PPP3R1: variants seen among roughly 807,000 people sequenced by gnomAD.
The protein encoded by PPP3R1 is calcineurin subunit B type 1.
PPP3R1 carries 5 observed loss-of-function variants against 22.6 expected under a neutral mutation model. The observed-to-expected ratio is 0.22, with a 90% confidence interval of 0.12 to 0.46. PPP3R1 has a LOEUF of 0.46. PPP3R1 is among the 20% of genes least tolerant of loss of function. The pLI, the probability that PPP3R1 is intolerant of heterozygous loss-of-function variation, is 0.99. For synonymous variants in PPP3R1, 56 were observed against 65.2 expected (o/e 0.86, Z 0.68); for missense variants, 61 against 203.2 (o/e 0.30, Z 4.25).
chr2:68,246,315 C>T (rs1344248160), intron 1 of PPP3R1, among the ~76,000 whole-genome samples: 2 of 151,920 alleles, frequency 1.3e-5, no homozygotes, highest in African/African-American at 2.4e-5. Flanking sequence ...CCTCATGATC[C>T]GCCCGCCTCA....
chr2:68,246,845 A>C (rs781362191), intron 1 of PPP3R1, among the ~76,000 whole-genome samples: 1 of 152,234 alleles, frequency 6.6e-6, no homozygotes, highest in Non-Finnish European at 1.5e-5. Flanking sequence ...AAATGCACAG[A>C]CAATGCTCAA....
At chr2:68,197,775 CT>C (rs1674819802) in intron 2 of PPP3R1, among the ~76,000 whole-genome samples, 1 of 151,748 alleles carries the variant, frequency 6.6e-6, no homozygotes, top group Non-Finnish European at 1.5e-5. Context: ...GTGAGCTTGC[CT>C]TTTCATAGGT....
chr2:68,197,246 A>G (rs1417247871), intron 2 of PPP3R1, among the ~76,000 whole-genome samples: 1 of 152,172 alleles, frequency 6.6e-6, no homozygotes. Flanking sequence ...TGTTCTTTCT[A>G]TAACTAAATT....
chr2:68,215,560 A>G (rs369652010), intron 2 of PPP3R1, among the ~76,000 whole-genome samples: 1 of 152,214 alleles, frequency 6.6e-6, no homozygotes, highest in Non-Finnish European at 1.5e-5. Context: ...TCTCACAAGT[A>G]TATCTGTGGC....
chr2:68,182,080 TC>T lies in PPP3R1; in HGVS notation c.466-1071del, dbSNP rs869089694. ...CATCTCCCCTCCTCCAACCCCCCCCTCCCCCCACCACACACACACGACCAGT... is the reference window on the plus strand; with the variant it reads ...CATCTCCCCTCCTCCAACCCCCCCCTCCCCCACCACACACACACGACCAGT... On this transcript the variant is annotated intron_variant, in intron 5 of 5. Coordinates refer to ENST00000234310, the MANE Select transcript of PPP3R1 (RefSeq NM_000945.4). Among the ~76,000 whole-genome samples, 159 of 37,432 alleles carry T rather than the reference TC, an allele frequency of 4.2e-3. 5 individuals are homozygous for T. Among genetic ancestry groups the T allele is most frequent in the African/African-American group, 0.011 (123 of 11,254 alleles). The allele number at this position is 37,432 out of a possible 152,430, so 24.6% of individuals were successfully genotyped here. A position where few individuals can be genotyped will look rare whatever the true frequency, so the allele number is the denominator to read the frequency against.
chr2:68,248,064 T>A (rs1342181273), intron 1 of PPP3R1, among the ~76,000 whole-genome samples: 1 of 152,152 alleles, frequency 6.6e-6, no homozygotes, highest in African/African-American at 2.4e-5. Flanking sequence ...CCCTCTATGA[T>A]CTAGTGTCAA....
chr2:68,216,074 C>T (rs193284616), intron 2 of PPP3R1, among the ~76,000 whole-genome samples: 1 of 152,118 alleles, frequency 6.6e-6, no homozygotes, highest in African/African-American at 2.4e-5. Flanking sequence ...GAGGGACGAT[C>T]CTGTATTTTT....
rs984408779 is a variant in PPP3R1 at position 68,195,729 on chromosome 2, T to C, written c.44-7039A>G. Among the ~76,000 whole-genome samples the C allele has an allele frequency of 3.9e-5, 6 of 152,294 alleles. No homozygotes were observed. In the South Asian group the frequency reaches 1.2e-3, roughly 32 times the overall value. Reference sequence around the variant, plus strand: ...ACCAAAACCAGTGCCTTCTCCACCATTTATTTATTAAAATACTTACATCAG... The same window carrying C: ...ACCAAAACCAGTGCCTTCTCCACCACTTATTTATTAAAATACTTACATCAG... On this transcript the variant is annotated intron_variant, in intron 2 of 5. Coordinates refer to ENST00000234310, the MANE Select transcript of PPP3R1 (RefSeq NM_000945.4).
chr2:68,249,622 C>T (rs1432401924), intron 1 of PPP3R1, among the ~76,000 whole-genome samples: 1 of 151,614 alleles, frequency 6.6e-6, no homozygotes, highest in Admixed American at 6.6e-5. Context: ...TAGGAGCTCA[C>T]TATTTACAAG....
intron 1 of PPP3R1, among the ~76,000 whole-genome samples, chr2:68,237,005 T>C (rs891709967): frequency 1.3e-5 from 2 of 152,202 alleles, no homozygotes; most frequent in African/African-American, 4.8e-5. Context: ...TCTTATGTTC[T>C]TGATGAAACT....
intron 1 of PPP3R1, among the ~76,000 whole-genome samples, chr2:68,238,038 A>G (rs1558643318): frequency 1.3e-5 from 2 of 152,166 alleles, no homozygotes; most frequent in Admixed American, 1.3e-4. Context: ...TACAATCAAT[A>G]GCAGTTTCCT....
chr2:68,183,066 G>C (rs1203133226), intron 5 of PPP3R1, among the ~76,000 whole-genome samples: 1 of 152,114 alleles, frequency 6.6e-6, no homozygotes, highest in Non-Finnish European at 1.5e-5. Flanking sequence ...TGGACCCTCT[G>C]CTTCCTGGAT....
chr2:68,211,140 C>T (rs1669473455), intron 2 of PPP3R1, among the ~76,000 whole-genome samples: 1 of 152,286 alleles, frequency 6.6e-6, no homozygotes, highest in South Asian at 2.1e-4. Flanking sequence ...GGCGCGGTGG[C>T]TCACGCCTGT....
At chr2:68,236,473 A>G (rs542326722) in intron 1 of PPP3R1, among the ~76,000 whole-genome samples, 29 of 152,314 alleles carry the variant, frequency 1.9e-4, no homozygotes, top group South Asian at 1.2e-3. Flanking sequence ...ATGAACAGCT[A>G]TGCTCCGCTT....
intron 1 of PPP3R1, among the ~76,000 whole-genome samples, chr2:68,235,891 G>T (rs1670010411): frequency 6.6e-6 from 1 of 152,104 alleles, no homozygotes; most frequent in Non-Finnish European, 1.5e-5. Context: ...ATCCTAGTGG[G>T]TGTGAAGTGC....
intron 1 of PPP3R1, among the ~76,000 whole-genome samples, chr2:68,225,166 C>T (rs985275216): frequency 6.6e-6 from 1 of 152,208 alleles, no homozygotes; most frequent in African/African-American, 2.4e-5. Context: ...ATCAAACACT[C>T]ATCTAGTTAC....
intron 5 of PPP3R1, among the ~76,000 whole-genome samples, chr2:68,183,903 C>T (rs1674475300): frequency 6.6e-6 from 1 of 152,094 alleles, no homozygotes; most frequent in Non-Finnish European, 1.5e-5. Flanking sequence ...TCTGGTAGCA[C>T]CATTTCTTTG....
At chr2:68,193,556 G>A (rs556036858) in intron 2 of PPP3R1, among the ~76,000 whole-genome samples, 2 of 152,086 alleles carry the variant, frequency 1.3e-5, no homozygotes, top group African/African-American at 4.8e-5. Flanking sequence ...CAAGATCTAC[G>A]AAAGTCAGCT....
intron 1 of PPP3R1, among the ~76,000 whole-genome samples, chr2:68,229,965 TACACAC>T (rs1157191768): frequency 1.2e-4 from 6 of 49,492 alleles, no homozygotes; most frequent in African/African-American, 6.7e-4. Context: ...TGTGTATATA[TACACAC>T]ATACACACAC....
Sources: gnomAD v4.1 joint callset for allele counts (sites outside exome capture counted in the v4.1 genomes callset) on GRCh38, gnomAD v4.1.1 for gene constraint, MANE v1.5 for transcripts, NCBI Gene and HGNC (gene_info 2026-07-23, HGNC 2026-07-21) for gene names.